The following SLC35F3 variants were observed in gnomAD, a reference collection of about 807,000 sequenced individuals.
SLC35F3 encodes the protein solute carrier family 35 member F3, also known as putative thiamine transporter SLC35F3.
In SLC35F3, 25 loss-of-function variants were observed where a neutral mutation model predicts 49.9. The ratio of observed to expected loss-of-function variants is 0.50; its 90% confidence interval spans 0.37 to 0.70. The LOEUF (loss-of-function observed/expected upper bound fraction) is 0.70. Ranked by LOEUF, SLC35F3 falls within the 30% of genes least tolerant of loss-of-function variation. The probability of loss-of-function intolerance (pLI) is 0.00; values close to 1 mark genes in which losing one functional copy is unlikely to be tolerated. For missense variants in SLC35F3, 525 were observed against 639.8 expected (o/e 0.82, Z 1.94); for synonymous variants, 275 against 265.4 (o/e 1.04, Z -0.35).
chr1:233,924,517 T>C (rs185919793), intron 2 of SLC35F3, among the ~76,000 whole-genome samples: 34 of 152,170 alleles, frequency 2.2e-4, no homozygotes, highest in Middle Eastern at 6.8e-3. Flanking sequence ...TTATTGCATC[T>C]ATTTGATTCT....
intron 2 of SLC35F3, among the ~76,000 whole-genome samples, chr1:234,155,937 TA>T (rs1245392121): frequency 6.6e-6 from 1 of 152,070 alleles, no homozygotes; most frequent in Non-Finnish European, 1.5e-5. Context: ...TTGAAGCCAT[TA>T]AAAATATACT....
intron 2 of SLC35F3, among the ~76,000 whole-genome samples, chr1:233,988,432 A>G (rs1202102264): frequency 6.6e-6 from 1 of 152,198 alleles, no homozygotes; most frequent in Non-Finnish European, 1.5e-5. Context: ...CATATTCAGA[A>G]TCTAACTGCT....
chr1:234,197,159 GAAACTC>G (rs1242001254), intron 2 of SLC35F3, among the ~76,000 whole-genome samples: 1 of 152,310 alleles, frequency 6.6e-6, no homozygotes, highest in African/African-American at 2.4e-5. Context: ...TGATCCATGT[GAAACTC>G]ATCTGGGTTT....
intron 2 of SLC35F3, among the ~76,000 whole-genome samples, chr1:233,927,852 A>T (rs1206032100): frequency 6.6e-6 from 1 of 152,186 alleles, no homozygotes; most frequent in African/African-American, 2.4e-5. Context: ...TTGGTATCAA[A>T]TAACTATGGT....
intron 2 of SLC35F3, among the ~76,000 whole-genome samples, chr1:234,028,785 C>T (rs1664015393): frequency 6.6e-6 from 1 of 152,140 alleles, no homozygotes; most frequent in Admixed American, 6.5e-5. Flanking sequence ...TGCAGGTTCA[C>T]ACCAGGTCAC....
In SLC35F3 at chr1:233,905,102, G is replaced by A. The variant is rs142850003; in HGVS notation, c.25G>A (p.Gly9Ser). Reference protein sequence around the residue: MGIREFPSGAPRGKSIAVG... With the variant: MGIREFPSSAPRGKSIAVG... Reference sequence around the variant, plus strand: ...TATGGGGATTCGAGAGTTTCCCAGCGGCGCACCCAGGGGCAAGAGCATTGC... The same window carrying A: ...TATGGGGATTCGAGAGTTTCCCAGCAGCGCACCCAGGGGCAAGAGCATTGC... The change falls in exon 1 of 8, where the codon GGC (glycine) becomes AGC (serine). Residue 9 changes from glycine to serine, a missense_variant. Coordinates refer to ENST00000366618, the MANE Select transcript of SLC35F3 (RefSeq NM_173508.4). 7 of 1,562,910 alleles carry A rather than the reference G, an allele frequency of 4.5e-6. No individual in the cohort carries two copies. The African/African-American group carries it at 5.4e-5, about 12-fold the overall frequency.
At chr1:234,207,687 T>C (rs1030792515) in intron 2 of SLC35F3, among the ~76,000 whole-genome samples, 1 of 151,944 alleles carries the variant, frequency 6.6e-6, no homozygotes, top group Non-Finnish European at 1.5e-5. Context: ...CAAATAAAAG[T>C]AGAGTTGCTT....
chr1:234,007,322 A>G (rs1436918214), intron 2 of SLC35F3, among the ~76,000 whole-genome samples: 1 of 152,176 alleles, frequency 6.6e-6, no homozygotes, highest in East Asian at 1.9e-4. Flanking sequence ...TACTTGAGCA[A>G]AGCCTTGAAG....
intron 2 of SLC35F3, among the ~76,000 whole-genome samples, chr1:234,093,362 G>A (rs1252831319): frequency 1.3e-5 from 2 of 152,180 alleles, no homozygotes; most frequent in Non-Finnish European, 2.9e-5. Flanking sequence ...AAACAGAAAA[G>A]TACTACAAAA....
chr1:234,187,064 C>G (rs1401002055), intron 2 of SLC35F3, among the ~76,000 whole-genome samples: 1 of 152,088 alleles, frequency 6.6e-6, no homozygotes, highest in Non-Finnish European at 1.5e-5. Flanking sequence ...GGGAATTGGC[C>G]TGAATCACAG....
chr1:234,220,687 G>A (rs1667191200), intron 2 of SLC35F3, among the ~76,000 whole-genome samples: 1 of 152,186 alleles, frequency 6.6e-6, no homozygotes, highest in Non-Finnish European at 1.5e-5. Context: ...GATAGAGGAG[G>A]AATCAACAGG....
chr1:234,177,720 A>C (rs558772095), intron 2 of SLC35F3, among the ~76,000 whole-genome samples: 3 of 152,368 alleles, frequency 2.0e-5, no homozygotes, highest in South Asian at 4.1e-4. Flanking sequence ...TTTGCAAATC[A>C]GGTGAGTTGC....
intron 2 of SLC35F3, among the ~76,000 whole-genome samples, chr1:234,217,430 G>A (rs181642730): frequency 6.6e-6 from 1 of 152,350 alleles, no homozygotes. Context: ...GAGACATACA[G>A]ATAGATAGAT....
intron 3 of SLC35F3, among the ~76,000 whole-genome samples, chr1:234,270,771 C>T (rs1332042830): frequency 6.6e-6 from 1 of 152,168 alleles, no homozygotes; most frequent in East Asian, 1.9e-4. Flanking sequence ...GAAGGATGTT[C>T]GTGTAACAAC....
At chr1:234,136,896 C>T (rs1031389462) in intron 2 of SLC35F3, among the ~76,000 whole-genome samples, 11 of 152,162 alleles carry the variant, frequency 7.2e-5, no homozygotes, top group African/African-American at 1.4e-4. Context: ...CAGGGGCCAC[C>T]GCTTTGGTAG....
At chr1:234,185,583 G>A (rs2102925905) in intron 2 of SLC35F3, among the ~76,000 whole-genome samples, 1 of 152,318 alleles carries the variant, frequency 6.6e-6, no homozygotes, top group African/African-American at 2.4e-5. Context: ...GGGCACTCCA[G>A]TGACCTCTGT....
At chr1:234,241,436 A>G (rs531437581) in intron 3 of SLC35F3, among the ~76,000 whole-genome samples, 9 of 152,264 alleles carry the variant, frequency 5.9e-5, no homozygotes, top group Admixed American at 3.9e-4. Flanking sequence ...CCGTTTTCTC[A>G]TATTTAAAAA....
chr1:234,099,086 C>T (rs1176226147), intron 2 of SLC35F3, among the ~76,000 whole-genome samples: 1 of 152,038 alleles, frequency 6.6e-6, no homozygotes, highest in Non-Finnish European at 1.5e-5. Flanking sequence ...CACCATAGTC[C>T]TTTCCTATAT....
chr1:234,240,683 T>A (rs1160499802), intron 3 of SLC35F3, among the ~76,000 whole-genome samples: 1 of 152,074 alleles, frequency 6.6e-6, no homozygotes, highest in African/African-American at 2.4e-5. Context: ...ATGATGATCA[T>A]GAGGTCATAA....
Sources: allele counts gnomAD v4.1 joint callset (sites outside exome capture counted in the v4.1 genomes callset), GRCh38; gene constraint gnomAD v4.1.1; transcripts MANE v1.5; gene names NCBI Gene and HGNC (gene_info 2026-07-23, HGNC 2026-07-21).